The following ZNF93 variants were observed in gnomAD, a reference collection of about 807,000 sequenced individuals.
ZNF93 encodes zinc finger protein 93, also known as zinc finger protein 505.
In ZNF93, 29 loss-of-function variants were observed where a neutral mutation model predicts 45.0. That is an observed-to-expected ratio of 0.64 (90% CI 0.48 to 0.88). ZNF93 has a LOEUF of 0.88. ZNF93 is among the 40% of genes least tolerant of loss of function. ZNF93 has a pLI of 0.00. For missense variants in ZNF93, 578 were observed against 724.0 expected (o/e 0.80, Z 2.31); for synonymous variants, 223 against 244.6 (o/e 0.91, Z 0.82).
In ZNF93 at chr19:19,933,612, TAAGAG is replaced by T. The variant is rs1568514374; in HGVS notation, c.660_664del (p.Lys220AsnfsTer11). 6.2e-7 allele frequency: 1 copy of T among 1,609,636 alleles called. No individual in the cohort carries two copies. Among genetic ancestry groups the T allele is most frequent in the Non-Finnish European group, 8.5e-7 (1 of 1,178,206 alleles). Reference sequence around the variant, plus strand: ...AGTACTCCTCTGCCCTTAATACACATAAGAGAATTCATACTGGAGAGAAACCATAC... The same window carrying T: ...AGTACTCCTCTGCCCTTAATACACATAATTCATACTGGAGAGAAACCATAC... On this transcript the variant is annotated frameshift_variant, in exon 4 of 4. Transcript: ENST00000343769. LOFTEE classifies it high-confidence loss of function.
intron 2 of ZNF93, among the ~76,000 whole-genome samples, chr19:19,915,895 C>T (rs1205801330): frequency 6.6e-6 from 1 of 152,120 alleles, no homozygotes; most frequent in African/African-American, 2.4e-5. Context: ...AATCTTTCCA[C>T]ATTCCTGAGT....
intron 3 of ZNF93, among the ~76,000 whole-genome samples, chr19:19,925,911 C>G (rs948050786): frequency 3.9e-5 from 6 of 152,046 alleles, no homozygotes; most frequent in African/African-American, 1.4e-4. Flanking sequence ...AAAAGTAACT[C>G]TAGGTTCTTT....
chr19:19,913,917 A>G (rs538221613), intron 1 of ZNF93, among the ~76,000 whole-genome samples: 7 of 152,346 alleles, frequency 4.6e-5, no homozygotes, highest in African/African-American at 1.4e-4. Context: ...AGTACTCACA[A>G]ACCTTTACTT....
chr19:19,907,708 T>C (rs1009546899), intron 1 of ZNF93: 2 of 151,950 alleles, frequency 1.3e-5, no homozygotes, highest in East Asian at 3.9e-4. Context: ...TGGCTAAGCT[T>C]TTGTATTTTT....
chr19:19,902,489 C>G (rs2063276484), intron 1 of ZNF93, among the ~76,000 whole-genome samples: 2 of 151,976 alleles, frequency 1.3e-5, no homozygotes, highest in Non-Finnish European at 2.9e-5. Flanking sequence ...AGCTCCCGGC[C>G]TCTGGTGATC....
chr19:19,925,310 T>C (rs935864909), intron 3 of ZNF93, among the ~76,000 whole-genome samples: 3 of 152,212 alleles, frequency 2.0e-5, no homozygotes, highest in African/African-American at 7.2e-5. Context: ...GTCATCTTGC[T>C]ACATAATCCA....
intron 3 of ZNF93, among the ~76,000 whole-genome samples, chr19:19,921,296 G>C (rs2063341913): frequency 6.6e-6 from 1 of 152,146 alleles, no homozygotes; most frequent in Non-Finnish European, 1.5e-5. Flanking sequence ...ATTGCACTGT[G>C]GTCTGAGAGG....
At chr19:19,920,424 C>T (rs531652173) in intron 3 of ZNF93, among the ~76,000 whole-genome samples, 182 of 152,184 alleles carry the variant, frequency 1.2e-3, no homozygotes, top group African/African-American at 4.2e-3. Context: ...TTTGTTGTGT[C>T]TCTGCCAGGC....
chr19:19,905,678 C>T (rs1043891384), intron 1 of ZNF93, among the ~76,000 whole-genome samples: 1 of 152,152 alleles, frequency 6.6e-6, no homozygotes, highest in Admixed American at 6.5e-5. Flanking sequence ...TTAGCCTCAG[C>T]CTCCCAGGCT....
intron 3 of ZNF93, among the ~76,000 whole-genome samples, chr19:19,921,441 G>C (rs1159075605): frequency 1.3e-5 from 2 of 152,148 alleles, no homozygotes; most frequent in African/African-American, 4.8e-5. Flanking sequence ...GGAGAGTTCT[G>C]TGGATGTCTG....
chr19:19,930,722 A>T (rs2063371395), intron 3 of ZNF93, among the ~76,000 whole-genome samples: 1 of 152,202 alleles, frequency 6.6e-6, no homozygotes, highest in African/African-American at 2.4e-5. Flanking sequence ...TTGTGATTAT[A>T]GATCGAGGAT....
At chr19:19,907,972 A>G (rs945282282) in intron 1 of ZNF93, among the ~76,000 whole-genome samples, 9 of 152,236 alleles carry the variant, frequency 5.9e-5, no homozygotes, top group Non-Finnish European at 1.2e-4. Context: ...TAAATGCTAC[A>G]TACATTACTA....
At chr19:19,909,370 A>G (rs575127391) in intron 1 of ZNF93, 16 of 152,380 alleles carry the variant, frequency 1.1e-4, no homozygotes, top group African/African-American at 3.8e-4. Context: ...CCATTTTTGT[A>G]GCAGAGTGAA....
At chr19:19,916,742 G>A (rs540013655) in intron 3 of ZNF93, 87 bp downstream of exon 3, 34 of 962,648 alleles carry the variant, frequency 3.5e-5, no homozygotes, top group Admixed American at 2.6e-4. Flanking sequence ...AATGTGATTC[G>A]GGAAGCTGTG....
intron 3 of ZNF93, among the ~76,000 whole-genome samples, chr19:19,925,449 T>C (rs564475093): frequency 6.6e-6 from 1 of 152,306 alleles, no homozygotes; most frequent in Admixed American, 6.5e-5. Flanking sequence ...GGTTGAGATC[T>C]TTTTTGCTGT....
At chr19:19,901,495 C>T (rs1395607496) in intron 1 of ZNF93, among the ~76,000 whole-genome samples, 1 of 152,140 alleles carries the variant, frequency 6.6e-6, no homozygotes, top group East Asian at 1.9e-4. Context: ...ATTTATGGGG[C>T]TGGGCAAGGT....
At chr19:19,922,562 C>T (rs2063345006) in intron 3 of ZNF93, among the ~76,000 whole-genome samples, 1 of 152,216 alleles carries the variant, frequency 6.6e-6, no homozygotes, top group Non-Finnish European at 1.5e-5. Context: ...CTCCCCATCA[C>T]TTTCAGGTAC....
At chr19:19,912,238 A>C (rs2063310827) in intron 1 of ZNF93, among the ~76,000 whole-genome samples, 1 of 152,172 alleles carries the variant, frequency 6.6e-6, no homozygotes. Flanking sequence ...TAAGCTTAGA[A>C]ACAAAACAAA....
Position 19,915,460 on chromosome 19 carries a change from C to CT in ZNF93, c.130+60dup, listed in dbSNP as rs1599568599. 1.3e-5 allele frequency: 20 copies of CT among 1,551,952 alleles called. No homozygotes were observed. The East Asian group carries it at 3.7e-4, about 29-fold the overall frequency. ...AATACACCCTAAAGGTTTTATTTCT[C>CT]TTTTTTGTAGAATGTTTTTTAGTAA... is the stretch of plus-strand genomic sequence containing the variant. On this transcript the variant is annotated intron_variant, in intron 2 of 3. Coordinates refer to ENST00000343769, the MANE Select transcript of ZNF93 (RefSeq NM_031218.4).
Sources: allele counts gnomAD v4.1 joint callset (sites outside exome capture counted in the v4.1 genomes callset), GRCh38; gene constraint gnomAD v4.1.1; transcripts MANE v1.5; gene names NCBI Gene and HGNC (gene_info 2026-07-23, HGNC 2026-07-21).